ALKBH5: variants seen among roughly 807,000 people sequenced by gnomAD.
ALKBH5 encodes the protein alkB homolog 5, RNA demethylase, also known as RNA demethylase ALKBH5.
A neutral mutation model predicts 32.1 loss-of-function variants in ALKBH5; 2 were observed. The ratio of observed to expected loss-of-function variants is 0.06; its 90% CI spans 0.03 to 0.20. ALKBH5 has a LOEUF of 0.20. ALKBH5 is among the 10% of genes least tolerant of loss of function. The probability of loss-of-function intolerance (pLI) is 1.00; values close to 1 mark genes in which losing one functional copy is unlikely to be tolerated. For missense variants in ALKBH5, 352 were observed against 559.5 expected (o/e 0.63, Z 3.74); for synonymous variants, 300 against 231.7 (o/e 1.29, Z -2.68).
Position 18,184,193 on chromosome 17 carries a change from C to T in ALKBH5, c.-51C>T. ...CGGGGCGCGTCCCCTTAGAGCCATGCCCGGCTGCCCCGCCCGCCCCGGAGG... is the reference window on the plus strand; with the variant it reads ...CGGGGCGCGTCCCCTTAGAGCCATGTCCGGCTGCCCCGCCCGCCCCGGAGG... On this transcript the variant is annotated 5_prime_UTR_variant, in exon 1 of 4. Transcript: ENST00000399138. The T allele has an allele frequency of 7.0e-7, 1 of 1,434,792 alleles. No individual in the cohort carries two copies. The highest frequency in any genetic ancestry group is 9.2e-7 in the Non-Finnish European group (1 of 1,092,240). The allele number at this position is 1,434,792 out of a possible 1,614,324, so 88.9% of individuals were successfully genotyped here.
intron 2 of ALKBH5, 64 bp downstream of exon 2, chr17:18,195,099 G>T (rs2047197689): frequency 6.9e-7 from 1 of 1,444,388 alleles, no homozygotes; most frequent in South Asian, 1.2e-5. Context: ...GTAGCTCTGG[G>T]TCCACTTAGA....
At chr17:18,187,964 A>G (rs2047149708) in intron 1 of ALKBH5, among the ~76,000 whole-genome samples, 1 of 152,156 alleles carries the variant, frequency 6.6e-6, no homozygotes, top group Non-Finnish European at 1.5e-5. Flanking sequence ...ATCAGCATGG[A>G]TGTTGGTGCG....
At chr17:18,193,213 TC>T (rs2047187364) in intron 1 of ALKBH5, among the ~76,000 whole-genome samples, 1 of 145,840 alleles carries the variant, frequency 6.9e-6, no homozygotes, top group Admixed American at 7.0e-5. Context: ...TTTGAAAAAT[TC>T]TTGTCTAGGA....
intron 1 of ALKBH5, among the ~76,000 whole-genome samples, chr17:18,185,552 A>G (rs958404939): frequency 1.3e-5 from 2 of 152,174 alleles, no homozygotes; most frequent in Non-Finnish European, 2.9e-5. Context: ...GGAGTTGAAC[A>G]GATTAGTGGT....
In ALKBH5 at chr17:18,209,352, C is replaced by T. The variant is rs944806602; in HGVS notation, c.*956C>T. On this transcript the variant is annotated 3_prime_UTR_variant, in exon 4 of 4. Transcript: ENST00000399138. ...TCTCCTGGCTTTTTCCTTTCCCTTC[C>T]CTTCTCCACTGGCCAGCTTGGGCCT... 3 of 152,428 alleles carry T rather than the reference C, an allele frequency of 2.0e-5. No homozygotes were observed. The highest frequency in any genetic ancestry group is 4.4e-5 in the Non-Finnish European group (3 of 68,062). The allele number at this position is 152,428 out of a possible 1,614,324, so 9.4% of individuals were successfully genotyped here. A position where few individuals can be genotyped will look rare whatever the true frequency, so the allele number is the denominator to read the frequency against.
Position 18,208,531 on chromosome 17 carries a change from T to G in ALKBH5, c.*135T>G. On this transcript the variant is annotated 3_prime_UTR_variant, in exon 4 of 4. Transcript: ENST00000399138. ...TTGTTTTTTTTGATTCTATATATTTTTCCTTGGTTTTGTTGCCTGTTAGGG... is the reference window on the plus strand; with the variant it reads ...TTGTTTTTTTTGATTCTATATATTTGTCCTTGGTTTTGTTGCCTGTTAGGG... 1 of 1,082,928 alleles carries G rather than the reference T, an allele frequency of 9.2e-7. No individual in the cohort carries two copies. The highest frequency in any genetic ancestry group is 1.4e-6 in the Non-Finnish European group (1 of 737,836). The allele number at this position is 1,082,928 out of a possible 1,614,324, so 67.1% of individuals were successfully genotyped here. A position where few individuals can be genotyped will look rare whatever the true frequency, so the allele number is the denominator to read the frequency against.
In ALKBH5 at chr17:18,208,471, T is replaced by A; in HGVS notation, c.*75T>A. 1 of 1,538,150 alleles carries A rather than the reference T, an allele frequency of 6.5e-7. No individual in the cohort carries two copies. Among genetic ancestry groups the A allele is most frequent in the Non-Finnish European group, 8.9e-7 (1 of 1,125,072 alleles). ...CCCTCCTTTTGTTTTGAGGGTTTTG[T>A]TTTTGTTCATTGGGGGGTTTTTGTT... On this transcript the variant is annotated 3_prime_UTR_variant, in exon 4 of 4. Coordinates refer to ENST00000399138, the MANE Select transcript of ALKBH5 (RefSeq NM_017758.4).
chr17:18,207,523 C>T (rs375661827), intron 3 of ALKBH5, among the ~76,000 whole-genome samples: 286 of 152,130 alleles, frequency 1.9e-3, no homozygotes, highest in African/African-American at 6.7e-3. Context: ...ATTAGCCAGG[C>T]GTGGTGGCAG....
At chr17:18,198,959 G>A (rs2047220224) in intron 2 of ALKBH5, among the ~76,000 whole-genome samples, 1 of 152,242 alleles carries the variant, frequency 6.6e-6, no homozygotes, top group Admixed American at 6.5e-5. Flanking sequence ...CCTGGGTCTT[G>A]TGGTTCGTTG....
intron 2 of ALKBH5, among the ~76,000 whole-genome samples, chr17:18,201,785 AG>A (rs56790828): frequency 0.11 from 11,579 of 104,722 alleles, 509 homozygotes; most frequent in East Asian, 0.17. Context: ...ATAGATAGAT[AG>A]GATAGATAAG....
intron 2 of ALKBH5, among the ~76,000 whole-genome samples, chr17:18,198,730 G>T (rs1156273731): frequency 6.6e-6 from 1 of 152,182 alleles, no homozygotes; most frequent in Non-Finnish European, 1.5e-5. Context: ...GAAGGAAATG[G>T]GTGGGCAGCT....
chr17:18,201,666 G>A (rs962495666), intron 2 of ALKBH5, among the ~76,000 whole-genome samples: 17 of 152,094 alleles, frequency 1.1e-4, no homozygotes, highest in Admixed American at 9.2e-4. Context: ...AATCGCTTGA[G>A]CATGGGAGGC....
rs2047115899 is a variant in ALKBH5, at chr17:18,183,873, C to T, written c.-371C>T. 3 of 372,236 alleles carry T rather than the reference C, an allele frequency of 8.1e-6. No homozygotes were observed. The highest frequency in any genetic ancestry group is 1.5e-5 in the Non-Finnish European group (3 of 195,854). 23.1% of individuals were successfully genotyped at this position (372,236 alleles called of 1,614,324 possible). A position where few individuals can be genotyped will look rare whatever the true frequency, so the allele number is the denominator to read the frequency against. On this transcript the variant is annotated 5_prime_UTR_variant, in exon 1 of 4. Transcript: ENST00000399138. ...GCGCTGGCGGACGTCGGGCTGGCTG[C>T]CCGTGACGTCGTGCGGAGAGCTTTA...
At chr17:18,192,439 T>C (rs1405165565) in intron 1 of ALKBH5, among the ~76,000 whole-genome samples, 1 of 152,230 alleles carries the variant, frequency 6.6e-6, no homozygotes, top group Non-Finnish European at 1.5e-5. Flanking sequence ...TCTTTAAAAC[T>C]GTCCCCATTT....
Position 18,183,992 on chromosome 17 carries a change from C to T in ALKBH5, c.-252C>T, listed in dbSNP as rs1027661571. On this transcript the variant is annotated 5_prime_UTR_variant, in exon 1 of 4. Transcript: ENST00000399138. The stretch of plus-strand genomic sequence containing the variant: ...CGCGGCATGAGGCGCTGCCGGCGCC[C>T]CTGCCCCGCGGGACGTGGAGAAGGT... The T allele has an allele frequency of 4.6e-6, 3 of 652,746 alleles. No individual in the cohort carries two copies. The highest frequency in any genetic ancestry group is 1.5e-5 in the South Asian group (1 of 65,012). The allele number at this position is 652,746 out of a possible 1,614,324, so 40.4% of individuals were successfully genotyped here. A position where few individuals can be genotyped will look rare whatever the true frequency, so the allele number is the denominator to read the frequency against.
chr17:18,199,234 C>T (rs1168787771), intron 2 of ALKBH5, among the ~76,000 whole-genome samples: 1 of 152,184 alleles, frequency 6.6e-6, no homozygotes, highest in East Asian at 1.9e-4. Flanking sequence ...GTTACTGTCT[C>T]CCAGCCGACC....
chr17:18,198,549 G>A (rs931677367), intron 2 of ALKBH5, among the ~76,000 whole-genome samples: 10 of 152,194 alleles, frequency 6.6e-5, no homozygotes, highest in Non-Finnish European at 1.5e-4. Context: ...TGTTACAGTG[G>A]GTAGAATCTG....
chr17:18,203,061 G>C (rs936985461), intron 2 of ALKBH5, among the ~76,000 whole-genome samples: 1 of 131,624 alleles, frequency 7.6e-6, no homozygotes, highest in East Asian at 2.3e-4. Flanking sequence ...GACAGAGCAA[G>C]ATTGTCTTTT....
At chr17:18,200,645 G>T (rs927808408) in intron 2 of ALKBH5, among the ~76,000 whole-genome samples, 1 of 152,190 alleles carries the variant, frequency 6.6e-6, no homozygotes, top group Non-Finnish European at 1.5e-5. Flanking sequence ...TTTGGGAAAA[G>T]GCAGACATTT....
Sources: allele counts gnomAD v4.1 joint callset (sites outside exome capture counted in the v4.1 genomes callset), GRCh38; gene constraint gnomAD v4.1.1; transcripts MANE v1.5; gene names NCBI Gene and HGNC (gene_info 2026-07-23, HGNC 2026-07-21).